The following CDH9 variants were observed in gnomAD, a reference collection of about 807,000 sequenced individuals.
CDH9 encodes the protein cadherin-9.
In CDH9, 28 loss-of-function variants were observed where a neutral mutation model predicts 70.9. The ratio of observed to expected loss-of-function variants is 0.40; its 90% CI spans 0.29 to 0.54. The LOEUF (loss-of-function observed/expected upper bound fraction) is 0.54. CDH9 is among the 20% of genes least tolerant of loss of function. The pLI is 0.59. For missense variants in CDH9, 874 were observed against 984.4 expected, an observed-to-expected ratio of 0.89 and a Z score of 1.50; for synonymous variants, 409 against 343.1, an observed-to-expected ratio of 1.19 and a Z score of -2.12.
At chr5:26,933,894 A>C (rs1316050752) in intron 2 of CDH9, among the ~76,000 whole-genome samples, 2 of 152,172 alleles carry the variant, frequency 1.3e-5, no homozygotes, top group African/African-American at 2.4e-5. Context: ...ATAGTAAACA[A>C]ATATTATAAA....
intron 9 of CDH9, among the ~76,000 whole-genome samples, chr5:26,887,730 G>A (rs1404823842): frequency 1.3e-5 from 2 of 152,082 alleles, no homozygotes; most frequent in Non-Finnish European, 2.9e-5. Context: ...AAATTAAGGA[G>A]GACTCTAATT....
chr5:26,971,992 A>G (rs1742227246), intron 2 of CDH9, among the ~76,000 whole-genome samples: 1 of 152,158 alleles, frequency 6.6e-6, no homozygotes, highest in Non-Finnish European at 1.5e-5. Flanking sequence ...GGTAAATTAA[A>G]TATTGGTGTG....
intron 2 of CDH9, among the ~76,000 whole-genome samples, chr5:26,925,956 C>G (rs1289693991): frequency 1.3e-5 from 2 of 152,092 alleles, no homozygotes; most frequent in Non-Finnish European, 2.9e-5. Flanking sequence ...ATAATAAGAG[C>G]TATTTATGAC....
At chr5:26,933,980 CT>C (rs200558608) in intron 2 of CDH9, among the ~76,000 whole-genome samples, 4,443 of 152,096 alleles carry the variant, frequency 0.029, 176 homozygotes, top group Admixed American at 0.12. Flanking sequence ...AAAGTGGTTT[CT>C]TTGGCTCAAA....
At chr5:26,934,250 G>C (rs1214993576) in intron 2 of CDH9, among the ~76,000 whole-genome samples, 1 of 152,076 alleles carries the variant, frequency 6.6e-6, no homozygotes, top group African/African-American at 2.4e-5. Context: ...CAGATGTCTT[G>C]ACCCCATGAG....
intron 7 of CDH9, among the ~76,000 whole-genome samples, chr5:26,901,926 A>C (rs1215354305): frequency 6.6e-6 from 1 of 151,956 alleles, no homozygotes; most frequent in Non-Finnish European, 1.5e-5. Context: ...TAATTGACAT[A>C]ATATTCTTCA....
chr5:27,002,609 T>A (rs1248805514), intron 1 of CDH9, among the ~76,000 whole-genome samples: 1 of 152,186 alleles, frequency 6.6e-6, no homozygotes, highest in Non-Finnish European at 1.5e-5. Context: ...GATGAGTTCA[T>A]GTCCTTTATA....
chr5:26,886,512 C>T (rs1377086261), intron 9 of CDH9, among the ~76,000 whole-genome samples: 1 of 151,970 alleles, frequency 6.6e-6, no homozygotes, highest in Non-Finnish European at 1.5e-5. Flanking sequence ...AACACCAATG[C>T]TTAGCACAAT....
intron 1 of CDH9, among the ~76,000 whole-genome samples, chr5:27,022,324 T>C (rs75411536): frequency 6.2e-4 from 94 of 152,190 alleles, no homozygotes; most frequent in Non-Finnish European, 9.0e-4. Context: ...CTTTGAATGA[T>C]TCCAACATTT....
chr5:26,903,597 TA>T (rs1409562105), intron 6 of CDH9, 39 bp downstream of exon 6: 1 of 1,322,826 alleles, frequency 7.6e-7, no homozygotes, highest in Non-Finnish European at 1.1e-6. Flanking sequence ...ACGTAAATTA[TA>T]AAGCACTCAA....
intron 2 of CDH9, among the ~76,000 whole-genome samples, chr5:26,940,545 T>C (rs761160131): frequency 4.6e-5 from 7 of 152,222 alleles, no homozygotes; most frequent in Admixed American, 1.3e-4. Flanking sequence ...TGACATTTGA[T>C]ATGTGGTTTT....
At chr5:27,032,990 AC>A (rs1212859328) in intron 1 of CDH9, among the ~76,000 whole-genome samples, 1 of 151,198 alleles carries the variant, frequency 6.6e-6, no homozygotes, top group African/African-American at 2.4e-5. Context: ...TTTCTCATCC[AC>A]TGTAAATGTG....
chr5:27,038,293 AT>A (rs1561049636), intron 1 of CDH9, among the ~76,000 whole-genome samples, 169 bp downstream of exon 1: 1 of 151,972 alleles, frequency 6.6e-6, no homozygotes, highest in Non-Finnish European at 1.5e-5. Context: ...GCATGTAAAC[AT>A]TTTACTCAAA....
intron 2 of CDH9, among the ~76,000 whole-genome samples, chr5:26,918,155 G>A (rs1407128728): frequency 1.3e-5 from 2 of 151,732 alleles, no homozygotes; most frequent in African/African-American, 2.4e-5. Flanking sequence ...GTTTTGTTTT[G>A]CCTTTATGTC....
intron 1 of CDH9, among the ~76,000 whole-genome samples, chr5:26,994,977 T>C (rs774018092): frequency 1.3e-5 from 2 of 152,182 alleles, no homozygotes; most frequent in Admixed American, 6.5e-5. Flanking sequence ...AAAAATAGCT[T>C]ACCCCGTTTT....
Position 26,918,527 on chromosome 5 carries a change from TA to T in CDH9, c.229-2604del, listed in dbSNP as rs527353723. On this transcript the variant is annotated intron_variant, in intron 2 of 11. Transcript: ENST00000231021. Reference sequence around the variant, plus strand: ...CTCTTTTTAAAACTAACTTTTCACATAAAATCAGATCATAAATAAAACTTGC... The same window carrying T: ...CTCTTTTTAAAACTAACTTTTCACATAAATCAGATCATAAATAAAACTTGC... Among the ~76,000 whole-genome samples the T allele has an allele frequency of 2.0e-5, 3 of 152,354 alleles. No homozygotes were observed. In the South Asian group the frequency reaches 6.2e-4, roughly 32 times the overall value.
At chr5:26,976,990 ATACTC>A (rs1428344351) in intron 2 of CDH9, among the ~76,000 whole-genome samples, 7 of 151,992 alleles carry the variant, frequency 4.6e-5, no homozygotes, top group Admixed American at 1.3e-4. Context: ...TTCAGAATCT[ATACTC>A]TAAGAACAAG....
chr5:26,914,605 G>A (rs981379251), intron 3 of CDH9, among the ~76,000 whole-genome samples: 8 of 151,960 alleles, frequency 5.3e-5, no homozygotes, highest in Admixed American at 4.6e-4. Flanking sequence ...TTTGAGGTGA[G>A]AATAAATACG....
intron 1 of CDH9, among the ~76,000 whole-genome samples, chr5:27,005,806 G>A (rs891243514): frequency 6.6e-6 from 1 of 152,082 alleles, no homozygotes; most frequent in Non-Finnish European, 1.5e-5. Flanking sequence ...AAAAATTGTG[G>A]TACATAGATA....
Sources: gnomAD v4.1 joint callset for allele counts (sites outside exome capture counted in the v4.1 genomes callset) on GRCh38, gnomAD v4.1.1 for gene constraint, MANE v1.5 for transcripts, NCBI Gene and HGNC (gene_info 2026-07-23, HGNC 2026-07-21) for gene names.